Variants in SNX31 observed in about 807,000 individuals in gnomAD.
SNX31 encodes the protein sorting nexin-31.
A neutral mutation model predicts 65.4 loss-of-function variants in SNX31; 58 were observed. That is an observed-to-expected ratio of 0.89 (90% CI 0.72 to 1.10). The LOEUF (loss-of-function observed/expected upper bound fraction) is 1.10, where lower values mean the gene tolerates loss of function less well. Ranked by LOEUF, SNX31 falls within the 50% of genes least tolerant of loss-of-function variation. SNX31 has a pLI of 0.00. For synonymous variants in SNX31, 181 were observed against 190.1 expected (o/e 0.95, Z 0.39); for missense variants, 523 against 529.7 (o/e 0.99, Z 0.12).
In SNX31 at chr8:100,614,426, T is replaced by C. The variant is rs1025326442; in HGVS notation, c.433-1341A>G. 6.6e-6 allele frequency among the ~76,000 whole-genome samples: 1 copy of C among 152,146 alleles called. No individual in the cohort carries two copies. Among genetic ancestry groups the C allele is most frequent in the Admixed American group, 6.5e-5 (1 of 15,278 alleles). On this transcript the variant is annotated intron_variant, in intron 5 of 13. Coordinates refer to ENST00000311812, the MANE Select transcript of SNX31 (RefSeq NM_152628.4). This position sits in a 1 kb window ranked among gnomAD's most constrained non-coding sequence, Gnocchi z 5.1. ...GAAGCCTTTCGCATTCATAAAGACA[T>C]AAATATAAACACCTTCTTTTGAGAG...
At chr8:100,654,383 TCA>T (rs139292884), upstream of SNX31, among the ~76,000 whole-genome samples, 654 of 152,286 alleles carry the variant, frequency 4.3e-3, 4 homozygotes, top group African/African-American at 0.015. Context: ...TCACCCGAAG[TCA>T]CACAGTTTGT....
intron 4 of SNX31, among the ~76,000 whole-genome samples, chr8:100,628,484 G>T (rs534598629): frequency 6.6e-6 from 1 of 151,154 alleles, no homozygotes; most frequent in Non-Finnish European, 1.5e-5. Flanking sequence ...GCAAACTATC[G>T]CAAGGACAAA....
Position 100,613,327 on chromosome 8 carries a change from G to T in SNX31, c.433-242C>A, listed in dbSNP as rs1415564578. Among the ~76,000 whole-genome samples, 1 of 152,158 alleles carries T rather than the reference G, an allele frequency of 6.6e-6. No homozygotes were observed. Among genetic ancestry groups the T allele is most frequent in the African/African-American group, 2.4e-5 (1 of 41,428 alleles). On this transcript the variant is annotated intron_variant, in intron 5 of 13. Coordinates refer to ENST00000311812, the MANE Select transcript of SNX31 (RefSeq NM_152628.4). This position sits in a 1 kb window ranked among gnomAD's most constrained non-coding sequence, Gnocchi z 5.2. ...GCCCCACCACAATGGACAGAGGCTG[G>T]CCCCAAGTTGAGGTTGGTCATCCCA...
In SNX31 at chr8:100,609,189, C is replaced by T. The variant is rs1295667229; in HGVS notation, c.612-626G>A. On this transcript the variant is annotated intron_variant, in intron 7 of 13. Coordinates refer to ENST00000311812, the MANE Select transcript of SNX31 (RefSeq NM_152628.4). The surrounding 1 kb of genome is among the most constrained non-coding windows in gnomAD (Gnocchi z 4.9). Reference sequence around the variant, plus strand: ...CTCACCAACCCCACCACCAACGCTACATTCCAACCATGTTTTCTCTCCTCT... The same window carrying T: ...CTCACCAACCCCACCACCAACGCTATATTCCAACCATGTTTTCTCTCCTCT... Among the ~76,000 whole-genome samples the T allele has an allele frequency of 6.6e-6, 1 of 152,206 alleles. No individual in the cohort carries two copies. The highest frequency in any genetic ancestry group is 1.5e-5 in the Non-Finnish European group (1 of 68,036).
intron 11 of SNX31, among the ~76,000 whole-genome samples, chr8:100,585,981 T>C (rs1814006123): frequency 6.6e-6 from 1 of 152,164 alleles, no homozygotes; most frequent in Admixed American, 6.5e-5. Flanking sequence ...AGCACAGTGG[T>C]GTAATCTTGG....
chr8:100,619,823 T>C (rs1225672953), intron 4 of SNX31: 3 of 152,258 alleles, frequency 2.0e-5, no homozygotes, highest in African/African-American at 7.2e-5. Flanking sequence ...GCATTCAGAA[T>C]GGTACTGGCC....
intron 2 of SNX31, among the ~76,000 whole-genome samples, chr8:100,638,114 C>T (rs1289323414): frequency 6.6e-6 from 1 of 152,200 alleles, no homozygotes. Flanking sequence ...AGGCTAGCCA[C>T]TGCCCTCCAG....
chr8:100,581,123 T>G (rs1433909562), intron 12 of SNX31, among the ~76,000 whole-genome samples: 2 of 144,096 alleles, frequency 1.4e-5, no homozygotes, highest in Non-Finnish European at 3.0e-5. Context: ...CAGGGAGACC[T>G]TACCTCTACA....
rs1322322990 is a variant in SNX31 at position 100,604,808 on chromosome 8, C to T, written c.681+3686G>A. On this transcript the variant is annotated intron_variant, in intron 8 of 13. Transcript: ENST00000311812. The surrounding 1 kb of genome is among the most constrained non-coding windows in gnomAD (Gnocchi z 4.3). ...TCTGCTTTAGAAAATCAAAGCTGTG[C>T]CCCTTAATAGTTAATTATGATGGAT... Among the ~76,000 whole-genome samples the T allele has an allele frequency of 1.3e-5, 2 of 152,192 alleles. No individual in the cohort carries two copies. Among genetic ancestry groups the T allele is most frequent in the Non-Finnish European group, 2.9e-5 (2 of 68,036 alleles).
At chr8:100,605,336 C>T (rs1404257952) in intron 8 of SNX31, among the ~76,000 whole-genome samples, 1 of 152,118 alleles carries the variant, frequency 6.6e-6, no homozygotes, top group African/African-American at 2.4e-5. Flanking sequence ...CCAAGGCAGG[C>T]CTCCCAAAAG....
At chr8:100,581,661 T>G (rs1168645115) in intron 12 of SNX31, among the ~76,000 whole-genome samples, 1 of 152,174 alleles carries the variant, frequency 6.6e-6, no homozygotes, top group Non-Finnish European at 1.5e-5. Flanking sequence ...ATCAAAATCT[T>G]GGACTCGGAA....
chr8:100,607,437 C>T (rs1318608159), intron 8 of SNX31, among the ~76,000 whole-genome samples: 1 of 152,046 alleles, frequency 6.6e-6, no homozygotes, highest in Non-Finnish European at 1.5e-5. Context: ...AGGCCAAGCT[C>T]GAAATTTACT....
chr8:100,650,418 G>A (rs867331226), upstream of SNX31, among the ~76,000 whole-genome samples: 1 of 152,162 alleles, frequency 6.6e-6, no homozygotes, highest in Non-Finnish European at 1.5e-5. Flanking sequence ...ACAGGCCCAG[G>A]GGGTGGAGGA....
At chr8:100,627,459 G>A (rs1026806336) in intron 4 of SNX31, among the ~76,000 whole-genome samples, 4 of 152,212 alleles carry the variant, frequency 2.6e-5, no homozygotes, top group Admixed American at 1.3e-4. Flanking sequence ...CCAAAAAGAC[G>A]ACTGAACTAA....
At chr8:100,601,619 T>G (rs113812722) in intron 8 of SNX31, among the ~76,000 whole-genome samples, 35 of 152,346 alleles carry the variant, frequency 2.3e-4, no homozygotes, top group African/African-American at 7.9e-4. Context: ...AGATAAAAAC[T>G]AATTTCACAT....
chr8:100,627,125 G>A (rs868343656), intron 4 of SNX31, among the ~76,000 whole-genome samples: 12 of 152,076 alleles, frequency 7.9e-5, no homozygotes, highest in Non-Finnish European at 1.0e-4. Context: ...AGGCTGAGGC[G>A]GGAAGATCAC....
intron 2 of SNX31, among the ~76,000 whole-genome samples, chr8:100,644,633 C>T (rs1819502646): frequency 6.6e-6 from 1 of 152,162 alleles, no homozygotes; most frequent in African/African-American, 2.4e-5. Context: ...CATGGAAACA[C>T]ATCCACCTCT....
chr8:100,603,437 C>CTT (rs1441075561), intron 8 of SNX31, among the ~76,000 whole-genome samples: 19 of 141,700 alleles, frequency 1.3e-4, no homozygotes, highest in African/African-American at 3.4e-4. Context: ...GTTTCATTAC[C>CTT]TTTTTTTTTT....
chr8:100,606,530 T>C (rs1372004392), intron 8 of SNX31, among the ~76,000 whole-genome samples: 1 of 152,212 alleles, frequency 6.6e-6, no homozygotes, highest in Non-Finnish European at 1.5e-5. Context: ...TCTTTCCCTC[T>C]TCTACGCCCT....
Sources: allele counts gnomAD v4.1 joint callset (sites outside exome capture counted in the v4.1 genomes callset), GRCh38; gene constraint gnomAD v4.1.1; non-coding constraint Gnocchi (gnomAD v3.1); transcripts MANE v1.5; gene names NCBI Gene and HGNC (gene_info 2026-07-23, HGNC 2026-07-21).